The following VWA2 variants were observed in gnomAD, a reference collection of about 807,000 sequenced individuals.
The protein encoded by VWA2 is von Willebrand factor A domain containing 2, also known as von Willebrand factor A domain-containing protein 2.
Under a neutral mutation model 70.4 loss-of-function variants are expected in VWA2, and 73 were observed. The ratio of observed to expected loss-of-function variants is 1.04; its 90% CI spans 0.86 to 1.26. VWA2 has a LOEUF of 1.26. Among genes scored for constraint, VWA2 ranks in the 50% most tolerant of loss-of-function variants. The probability of loss-of-function intolerance (pLI) is 0.00; values close to 1 mark genes in which losing one functional copy is unlikely to be tolerated. For synonymous variants in VWA2, 407 were observed against 423.3 expected, an observed-to-expected ratio of 0.96 and a Z score of 0.47; for missense variants, 1,011 against 998.5, an observed-to-expected ratio of 1.01 and a Z score of -0.17.
intron 3 of VWA2, among the ~76,000 whole-genome samples, chr10:114,254,665 T>C (rs931232402): frequency 3.9e-5 from 6 of 152,270 alleles, no homozygotes; most frequent in Middle Eastern, 3.4e-3. Context: ...TAGAACGTAA[T>C]TGATATTGTT....
At chr10:114,275,153 G>A (rs80263451) in intron 6 of VWA2, among the ~76,000 whole-genome samples, 1 of 152,078 alleles carries the variant, frequency 6.6e-6, no homozygotes, top group African/African-American at 2.4e-5. Flanking sequence ...TGACCAACGG[G>A]CCAGCAAGTG....
At chr10:114,239,859 G>T (rs1342166886) in intron 1 of VWA2, among the ~76,000 whole-genome samples, 5 of 152,364 alleles carry the variant, frequency 3.3e-5, no homozygotes, top group African/African-American at 1.2e-4. Flanking sequence ...TTTGGGAGGG[G>T]TGCGGTCAGC....
chr10:114,280,369 A>G (rs1387211898), intron 8 of VWA2, among the ~76,000 whole-genome samples: 1 of 152,176 alleles, frequency 6.6e-6, no homozygotes, highest in East Asian at 1.9e-4. Context: ...TGAATACAGA[A>G]AATAAACTGT....
At chr10:114,255,717 A>G (rs193200880) in intron 4 of VWA2, among the ~76,000 whole-genome samples, 1 of 152,134 alleles carries the variant, frequency 6.6e-6, no homozygotes, top group African/African-American at 2.4e-5. Context: ...TTCAAATAGT[A>G]GGTCTTAAAT....
At chr10:114,273,320 T>C (rs896853700) in intron 6 of VWA2, among the ~76,000 whole-genome samples, 3 of 152,174 alleles carry the variant, frequency 2.0e-5, no homozygotes, top group Non-Finnish European at 4.4e-5. Context: ...TGTTGCCTCC[T>C]CTCGTACCCT....
chr10:114,290,182 G>A (rs1200228272), intron 12 of VWA2, 58 bp from the exon 13 acceptor site: 1 of 1,541,778 alleles, frequency 6.5e-7, no homozygotes, highest in African/African-American at 1.4e-5. Context: ...TAGGGTAGGG[G>A]TCTTCGGGTC....
At chr10:114,246,913 A>C (rs574895870) in intron 1 of VWA2, among the ~76,000 whole-genome samples, 5 of 152,312 alleles carry the variant, frequency 3.3e-5, no homozygotes, top group African/African-American at 1.2e-4. Context: ...TGACACTCTG[A>C]AGTGAAAGTA....
intron 5 of VWA2, among the ~76,000 whole-genome samples, chr10:114,270,000 T>G (rs1353300083): frequency 6.6e-6 from 1 of 152,246 alleles, no homozygotes; most frequent in Non-Finnish European, 1.5e-5. Context: ...CAGTAAAAGT[T>G]GTATAGTACA....
chr10:114,290,887 G>A (rs556010453), intron 13 of VWA2, among the ~76,000 whole-genome samples: 23 of 152,306 alleles, frequency 1.5e-4, no homozygotes, highest in African/African-American at 5.1e-4. Context: ...ATTGTCAAGG[G>A]TAACAGATTA....
chr10:114,261,573 G>A (rs750451192), intron 5 of VWA2, among the ~76,000 whole-genome samples: 9 of 152,202 alleles, frequency 5.9e-5, no homozygotes, highest in Non-Finnish European at 8.8e-5. Flanking sequence ...TGAAGGTCAC[G>A]AATGGGGTTA....
intron 5 of VWA2, among the ~76,000 whole-genome samples, chr10:114,270,853 T>C (rs2133357945): frequency 6.6e-6 from 1 of 152,308 alleles, no homozygotes; most frequent in East Asian, 1.9e-4. Context: ...GATAAGCCCA[T>C]TGCCCAAGCC....
intron 6 of VWA2, among the ~76,000 whole-genome samples, chr10:114,276,254 G>A (rs941414087): frequency 5.3e-5 from 8 of 152,216 alleles, no homozygotes; most frequent in South Asian, 2.1e-4. Flanking sequence ...GGGCTGAGTC[G>A]CTGTTGCTCA....
chr10:114,259,822 C>T (rs1222365641), intron 4 of VWA2, among the ~76,000 whole-genome samples: 1 of 152,170 alleles, frequency 6.6e-6, no homozygotes, highest in Non-Finnish European at 1.5e-5. Context: ...GTCCGTCTTC[C>T]TGTGTCCGTC....
intron 3 of VWA2, 131 bp from the exon 4 acceptor site, chr10:114,254,784 T>G (rs1426719766): frequency 8.0e-7 from 1 of 1,243,706 alleles, no homozygotes; most frequent in Non-Finnish European, 1.1e-6. Context: ...GGGCTGCTTC[T>G]GCAGTTCTCC....
intron 8 of VWA2, among the ~76,000 whole-genome samples, chr10:114,280,074 C>G (rs1220824069): frequency 6.6e-6 from 1 of 152,222 alleles, no homozygotes; most frequent in Non-Finnish European, 1.5e-5. Flanking sequence ...GAACTTACCA[C>G]TGCATGTTTC....
At chr10:114,283,267 G>A (rs1354515214) in intron 9 of VWA2, among the ~76,000 whole-genome samples, 6 of 151,862 alleles carry the variant, frequency 4.0e-5, no homozygotes, top group Non-Finnish European at 5.9e-5. Context: ...GCAGGGCAGC[G>A]AGCAGTTAGA....
chr10:114,270,313 C>T (rs527881954), intron 5 of VWA2, among the ~76,000 whole-genome samples: 2 of 152,286 alleles, frequency 1.3e-5, no homozygotes, highest in African/African-American at 4.8e-5. Flanking sequence ...GCGGCATAAC[C>T]TTAGTTTGGC....
chr10:114,289,443 C>T lies in VWA2; in HGVS notation c.2076C>T (p.Ala692=), dbSNP rs200508042. 4.0e-5 allele frequency: 64 copies of T among 1,614,054 alleles called. No individual in the cohort carries two copies. Among genetic ancestry groups the T allele is most frequent in the Middle Eastern group, 1.6e-4 (1 of 6,084 alleles). ...CCCTGATCCACGTGGCAGCTTACGCCGACCTGCGGTACCACCAGGACGTGC... is the reference window on the plus strand; with the variant it reads ...CCCTGATCCACGTGGCAGCTTACGCTGACCTGCGGTACCACCAGGACGTGC... ...RDSLIHVAAY[A]DLRYHQDVLI... Residue 692 remains alanine (A), a synonymous_variant, in exon 12 of 14, where the codon GCC becomes GCT. Coordinates refer to ENST00000392982, the MANE Select transcript of VWA2 (RefSeq NM_001272046.2).
chr10:114,259,411 AT>A (rs1429912885), intron 4 of VWA2, among the ~76,000 whole-genome samples: 12 of 147,370 alleles, frequency 8.1e-5, no homozygotes, highest in Non-Finnish European at 1.3e-4. Flanking sequence ...ATTGCACATA[AT>A]TTTTCCATTT....
Sources: gnomAD v4.1 joint callset for allele counts (sites outside exome capture counted in the v4.1 genomes callset) on GRCh38, gnomAD v4.1.1 for gene constraint, MANE v1.5 for transcripts, NCBI Gene and HGNC (gene_info 2026-07-23, HGNC 2026-07-21) for gene names.